UQCRC2: variants seen among roughly 807,000 people sequenced by gnomAD.
UQCRC2 encodes the protein cytochrome b-c1 complex subunit 2, mitochondrial.
A neutral mutation model predicts 55.6 loss-of-function variants in UQCRC2; 49 were observed. The ratio of observed to expected loss-of-function variants is 0.88; its 90% CI spans 0.70 to 1.12. The LOEUF (loss-of-function observed/expected upper bound fraction) is 1.12, where lower values mean the gene tolerates loss of function less well. Ranked by LOEUF, UQCRC2 falls within the 50% of genes most tolerant of loss-of-function variation. The probability of loss-of-function intolerance (pLI) is 0.00; values close to 1 mark genes in which losing one functional copy is unlikely to be tolerated. For missense variants in UQCRC2, 506 were observed against 547.8 expected, an observed-to-expected ratio of 0.92 and a Z score of 0.76; for synonymous variants, 193 against 192.0, an observed-to-expected ratio of 1.01 and a Z score of -0.04.
At chr16:21,964,237 A>G (rs145682384) in intron 6 of UQCRC2, among the ~76,000 whole-genome samples, 14 of 152,306 alleles carry the variant, frequency 9.2e-5, no homozygotes, top group Non-Finnish European at 1.8e-4. Flanking sequence ...AATTTTAGAA[A>G]AGATGACCTA....
chr16:21,956,321 A>G (rs1221034074), intron 1 of UQCRC2, among the ~76,000 whole-genome samples: 3 of 152,068 alleles, frequency 2.0e-5, no homozygotes. Context: ...AGGCGGGTGG[A>G]TTGCCTGAGC....
At chr16:21,980,768 A>G in intron 13 of UQCRC2, 68 bp downstream of exon 13, 1 of 1,573,622 alleles carries the variant, frequency 6.4e-7, no homozygotes, top group Non-Finnish European at 8.7e-7. Flanking sequence ...TTTCAGAAGG[A>G]TGCATAAGCG....
chr16:21,967,361 T>C (rs1055748191), intron 7 of UQCRC2, among the ~76,000 whole-genome samples: 4 of 152,210 alleles, frequency 2.6e-5, no homozygotes, highest in Non-Finnish European at 4.4e-5. Context: ...GCCATTTTTT[T>C]CTAAACCTCT....
chr16:21,967,822 A>G (rs1898362671), intron 7 of UQCRC2, among the ~76,000 whole-genome samples: 2 of 152,120 alleles, frequency 1.3e-5, no homozygotes, highest in African/African-American at 4.8e-5. Context: ...TCAAAGATGG[A>G]CGAGAAGGGT....
chr16:21,962,996 T>C, intron 6 of UQCRC2, 111 bp downstream of exon 6: 2 of 1,336,808 alleles, frequency 1.5e-6, no homozygotes, highest in Non-Finnish European at 2.0e-6. Context: ...TTTTTATTTA[T>C]TTATTGTTTT....
At chr16:21,971,466 T>C (rs1331525197) in intron 8 of UQCRC2, 59 bp from the exon 9 acceptor site, 4 of 1,371,330 alleles carry the variant, frequency 2.9e-6, no homozygotes, top group African/African-American at 1.5e-5. Context: ...GAAAAAATAT[T>C]TTACGATTGT....
chr16:21,977,463 A>G (rs1195548690), intron 12 of UQCRC2, among the ~76,000 whole-genome samples: 1 of 152,182 alleles, frequency 6.6e-6, no homozygotes, highest in African/African-American at 2.4e-5. Flanking sequence ...TTCTTTCTTC[A>G]TAACTAATTT....
chr16:21,954,041 T>C (rs1362962295), intron 1 of UQCRC2, among the ~76,000 whole-genome samples: 7 of 152,134 alleles, frequency 4.6e-5, no homozygotes, highest in African/African-American at 1.4e-4. Context: ...TAATTAAGTT[T>C]CCCCTTCAAG....
rs190027776 is a variant in UQCRC2, at chr16:21,980,606, A to T, written c.1184A>T (p.Glu395Val). ...GAGTCTTCTGAGTGTTTCCTGGAAG[A>T]AGTCGGGTCCCAGGCTCTAGTTGCT... Reference protein sequence around the residue: ...SVESSECFLEEVGSQALVAGS... With the variant: ...SVESSECFLEVVGSQALVAGS... The change falls in exon 13 of 14, where the codon GAA becomes GTA. Residue 395 changes from glutamate (E) to valine (V), a missense_variant. Physicochemically the swap from Glu to Val is moderately radical, Grantham distance 121 (BLOSUM62 -2). Transcript: ENST00000268379. 71 of 1,614,192 alleles carry T rather than the reference A, an allele frequency of 4.4e-5. No homozygotes were observed. The highest frequency in any genetic ancestry group is 5.4e-5 in the Non-Finnish European group (64 of 1,180,036).
intron 13 of UQCRC2, 105 bp from the exon 14 acceptor site, chr16:21,982,983 A>AT: frequency 1.0e-6 from 1 of 960,070 alleles, no homozygotes; most frequent in Non-Finnish European, 1.5e-6. Flanking sequence ...AAAAAAAAAA[A>AT]GAATGTCCTA....
At chr16:21,954,522 A>G (rs1898059687) in intron 1 of UQCRC2, among the ~76,000 whole-genome samples, 1 of 152,176 alleles carries the variant, frequency 6.6e-6, no homozygotes, top group Non-Finnish European at 1.5e-5. Flanking sequence ...AGACCCCAAC[A>G]TTTCCTTCTC....
chr16:21,963,524 A>G (rs1229975825), intron 6 of UQCRC2, among the ~76,000 whole-genome samples: 1 of 152,008 alleles, frequency 6.6e-6, no homozygotes, highest in African/African-American at 2.4e-5. Context: ...GCTGGAGTGC[A>G]GTGGCACAAT....
intron 8 of UQCRC2, among the ~76,000 whole-genome samples, chr16:21,970,371 T>G (rs1898430664): frequency 6.6e-6 from 1 of 152,178 alleles, no homozygotes; most frequent in Non-Finnish European, 1.5e-5. Context: ...TGCCAGACTG[T>G]TTTCCAAAGT....
intron 3 of UQCRC2, 50 bp from the exon 4 acceptor site, chr16:21,958,485 C>T (rs1898128937): frequency 1.3e-6 from 2 of 1,555,282 alleles, no homozygotes; most frequent in South Asian, 2.3e-5. Context: ...TGATGTTTGG[C>T]AAACTTGGCA....
chr16:21,961,626 T>TTATATATATCTATA (rs1898201191), intron 4 of UQCRC2, among the ~76,000 whole-genome samples: 1 of 64,476 alleles, frequency 1.6e-5, no homozygotes, highest in Non-Finnish European at 4.3e-5. Context: ...AACATAAAAT[T>TTATATATATCTATA]TATATATATA....
intron 11 of UQCRC2, 36 bp from the exon 12 acceptor site, chr16:21,976,131 T>C (rs1405126919): frequency 1.3e-6 from 2 of 1,504,522 alleles, no homozygotes; most frequent in Non-Finnish European, 1.9e-6. Context: ...ACTCTGGTAC[T>C]GACCACAGAT....
intron 1 of UQCRC2, 47 bp downstream of exon 1, chr16:21,953,503 C>T: frequency 6.2e-7 from 1 of 1,603,282 alleles, no homozygotes; most frequent in Non-Finnish European, 8.5e-7. Flanking sequence ...AGCAGTGTGT[C>T]GACAAGGTGA....
At chr16:21,981,473 G>T (rs1416783738) in intron 13 of UQCRC2, among the ~76,000 whole-genome samples, 1 of 152,162 alleles carries the variant, frequency 6.6e-6, no homozygotes, top group Non-Finnish European at 1.5e-5. Context: ...AAAAAACTAA[G>T]CTGGGTGCAG....
intron 12 of UQCRC2, 166 bp from the exon 13 acceptor site, chr16:21,980,381 C>A: frequency 1.4e-6 from 1 of 725,318 alleles, no homozygotes; most frequent in Non-Finnish European, 2.2e-6. Flanking sequence ...TTAGTATGTT[C>A]CAGAGAAGGG....
Sources: allele counts gnomAD v4.1 joint callset (sites outside exome capture counted in the v4.1 genomes callset), GRCh38; gene constraint gnomAD v4.1.1; transcripts MANE v1.5; gene names NCBI Gene and HGNC (gene_info 2026-07-23, HGNC 2026-07-21).